The following GHR variants were observed in gnomAD, a reference collection of about 807,000 sequenced individuals.
The protein encoded by GHR is growth hormone receptor, also known as GH receptor.
In GHR, 35 loss-of-function variants were observed where a neutral mutation model predicts 67.1. The observed-to-expected ratio is 0.52, with a 90% confidence interval of 0.40 to 0.69. The LOEUF (loss-of-function observed/expected upper bound fraction) is 0.69, where lower values mean the gene tolerates loss of function less well. Ranked by LOEUF, GHR falls within the 30% of genes least tolerant of loss-of-function variation. GHR has a pLI of 0.00. For missense variants in GHR, 792 were observed against 764.6 expected (o/e 1.04, Z -0.42); for synonymous variants, 272 against 269.1 (o/e 1.01, Z -0.10).
At chr5:42,569,035 G>A (rs776670893) in intron 2 of GHR, among the ~76,000 whole-genome samples, 2 of 152,190 alleles carry the variant, frequency 1.3e-5, no homozygotes, top group Admixed American at 6.5e-5. Flanking sequence ...TGATGATGAC[G>A]TGAGGGATAC....
At chr5:42,616,239 T>A (rs10440649) in intron 2 of GHR, among the ~76,000 whole-genome samples, 39,312 of 151,950 alleles carry the variant, frequency 0.26, 6,472 homozygotes, top group African/African-American at 0.46. Context: ...AAGTAGGAAG[T>A]CTAGTTAGGA....
intron 2 of GHR, among the ~76,000 whole-genome samples, chr5:42,611,738 A>T (rs1752901083): frequency 6.6e-6 from 1 of 152,150 alleles, no homozygotes; most frequent in Admixed American, 6.6e-5. Context: ...AAGAAATGGC[A>T]TTTCAGCTGG....
chr5:42,426,464 C>G (rs916489794), intron 1 of GHR, among the ~76,000 whole-genome samples: 4 of 152,202 alleles, frequency 2.6e-5, no homozygotes, highest in African/African-American at 9.6e-5. Context: ...GGTCGTACCA[C>G]TGGCAAATTG....
At chr5:42,606,000 C>A (rs1045878016) in intron 2 of GHR, among the ~76,000 whole-genome samples, 9 of 152,200 alleles carry the variant, frequency 5.9e-5, no homozygotes, top group East Asian at 1.9e-4. Context: ...GCTGGTAGTG[C>A]ACATGAGCTC....
intron 1 of GHR, among the ~76,000 whole-genome samples, chr5:42,503,041 G>A (rs2112237175): frequency 6.6e-6 from 1 of 152,120 alleles, no homozygotes; most frequent in East Asian, 1.9e-4. Context: ...GTGTACTCTT[G>A]CCACCTGGTG....
chr5:42,477,830 G>C (rs892648482), intron 1 of GHR, among the ~76,000 whole-genome samples: 1 of 152,076 alleles, frequency 6.6e-6, no homozygotes, highest in Admixed American at 6.5e-5. Context: ...CCATTCTGTA[G>C]GTTGCCTGTT....
At chr5:42,427,811 GCCAAAACAGAGGGGCTATAGGTGCAAGT>G (rs1262633370) in intron 1 of GHR, among the ~76,000 whole-genome samples, 1 of 152,190 alleles carries the variant, frequency 6.6e-6, no homozygotes, top group African/African-American at 2.4e-5. Flanking sequence ...GGAGAAATTG[GCCAAAACAGAGGGGCTATAGGTGCAAGT>G]CCAAAGTCTA....
At chr5:42,582,960 C>T (rs963057468) in intron 2 of GHR, among the ~76,000 whole-genome samples, 6 of 152,222 alleles carry the variant, frequency 3.9e-5, no homozygotes, top group African/African-American at 7.2e-5. Context: ...CATTGCTCCA[C>T]GCCTGGCTTG....
chr5:42,607,821 G>T (rs1174900945), intron 2 of GHR, among the ~76,000 whole-genome samples: 1 of 152,104 alleles, frequency 6.6e-6, no homozygotes, highest in Non-Finnish European at 1.5e-5. Context: ...GTTTGATGTT[G>T]GTTAGAACTT....
intron 6 of GHR, among the ~76,000 whole-genome samples, chr5:42,700,481 T>C (rs1448318792): frequency 6.6e-6 from 1 of 152,166 alleles, no homozygotes; most frequent in Non-Finnish European, 1.5e-5. Context: ...GGATGTTTTG[T>C]TACATACCTC....
intron 1 of GHR, among the ~76,000 whole-genome samples, chr5:42,508,711 C>T (rs1199149651): frequency 1.3e-5 from 2 of 152,126 alleles, no homozygotes; most frequent in Non-Finnish European, 2.9e-5. Context: ...GTAGCTAGGA[C>T]TACAAGCGCC....
At chr5:42,560,909 T>G (rs1013957348) in intron 1 of GHR, among the ~76,000 whole-genome samples, 1 of 152,218 alleles carries the variant, frequency 6.6e-6, no homozygotes, top group Non-Finnish European at 1.5e-5. Context: ...TAAGAAGTCA[T>G]GAAGGGCGGC....
intron 1 of GHR, among the ~76,000 whole-genome samples, chr5:42,534,919 A>G (rs1579891744): frequency 6.6e-6 from 1 of 151,922 alleles, no homozygotes; most frequent in Non-Finnish European, 1.5e-5. Flanking sequence ...CATTAGTGAT[A>G]TTGAGCATTT....
rs879553015 is a variant in GHR, at chr5:42,564,297, A to AGTGTGAGATTTATTTGAAATCTCACAAT, written c.-11-1511_-11-1484dup. On this transcript the variant is annotated intron_variant, in intron 1 of 9. Coordinates refer to ENST00000230882, the MANE Select transcript of GHR (RefSeq NM_000163.5). ...GTGAGATTTATTTGAAATCTCACAAAGTGTGAGATTTATTTGAAATCTCAC... is the reference window on the plus strand; with the variant it reads ...GTGAGATTTATTTGAAATCTCACAAAGTGTGAGATTTATTTGAAATCTCACAATGTGTGAGATTTATTTGAAATCTCAC... 4.5e-3 allele frequency among the ~76,000 whole-genome samples: 430 copies of AGTGTGAGATTTATTTGAAATCTCACAAT among 95,244 alleles called. 45 individuals carry two copies. The highest frequency in any genetic ancestry group is 0.013 in the African/African-American group (294 of 23,030). The allele number at this position is 95,244 out of a possible 152,430, so 62.5% of individuals were successfully genotyped here.
chr5:42,692,063 C>A (rs778007004), intron 4 of GHR, among the ~76,000 whole-genome samples: 1 of 152,092 alleles, frequency 6.6e-6, no homozygotes, highest in Non-Finnish European at 1.5e-5. Context: ...CAAAAATTAC[C>A]CTGGTCTTAA....
rs1040734397 is a variant in GHR, at chr5:42,529,922, A to C, written c.-11-35942A>C. Among the ~76,000 whole-genome samples the C allele has an allele frequency of 8.6e-5, 13 of 151,956 alleles. No homozygotes were observed. The East Asian group carries it at 2.5e-3, about 29-fold the overall frequency. On this transcript the variant is annotated intron_variant, in intron 1 of 9. Coordinates refer to ENST00000230882, the MANE Select transcript of GHR (RefSeq NM_000163.5). ...GAAATAAGTTAAATGTAGAATTAGC[A>C]CTAAAGAGAAATAGAATGAACTTCT...
At chr5:42,671,773 G>A (rs1459084419) in intron 3 of GHR, among the ~76,000 whole-genome samples, 1 of 151,626 alleles carries the variant, frequency 6.6e-6, no homozygotes, top group Non-Finnish European at 1.5e-5. Flanking sequence ...CGGCTAAAAC[G>A]GTGAAACCCA....
chr5:42,573,102 G>C (rs1342165422), intron 2 of GHR, among the ~76,000 whole-genome samples: 1 of 152,234 alleles, frequency 6.6e-6, no homozygotes, highest in East Asian at 1.9e-4. Flanking sequence ...TATTTTGCTG[G>C]ATGCCCATCC....
At chr5:42,614,190 C>A (rs1444262296) in intron 2 of GHR, among the ~76,000 whole-genome samples, 1 of 152,072 alleles carries the variant, frequency 6.6e-6, no homozygotes, top group Admixed American at 6.6e-5. Context: ...CATTGGAAGT[C>A]TATTTATTAT....
Sources: allele counts gnomAD v4.1 joint callset (sites outside exome capture counted in the v4.1 genomes callset), GRCh38; gene constraint gnomAD v4.1.1; transcripts MANE v1.5; gene names NCBI Gene and HGNC (gene_info 2026-07-23, HGNC 2026-07-21).